CSGALNACT1: variants seen among roughly 807,000 people sequenced by gnomAD.
CSGALNACT1 encodes chondroitin sulfate N-acetylgalactosaminyltransferase 1.
CSGALNACT1 carries 52 observed loss-of-function variants against 51.0 expected under a neutral mutation model. The ratio of observed to expected loss-of-function variants is 1.02; its 90% CI spans 0.82 to 1.29. The LOEUF (loss-of-function observed/expected upper bound fraction) is 1.29. Among genes scored for constraint, CSGALNACT1 ranks in the 50% most tolerant of loss-of-function variants. CSGALNACT1 has a pLI of 0.00. For missense variants in CSGALNACT1, 935 were observed against 679.2 expected (o/e 1.38, Z -4.19); for synonymous variants, 341 against 254.4 (o/e 1.34, Z -3.24).
rs2052656203 is a variant in CSGALNACT1, at chr8:19,614,026, A to G, written c.-543-12161T>C. Among the ~76,000 whole-genome samples the G allele has an allele frequency of 2.0e-5, 3 of 152,212 alleles. No individual in the cohort carries two copies. In the South Asian group the frequency reaches 6.2e-4, roughly 31 times the overall value. On this transcript the variant is annotated intron_variant, in intron 1 of 9. Coordinates refer to the CSGALNACT1 transcript ENST00000332246. ...TCTGGAAAATGCCGTGTCAAAGTTA[A>G]CAAGTTTCATTGTTGTGGAAGATCC...
intron 4 of CSGALNACT1, among the ~76,000 whole-genome samples, chr8:19,487,536 G>A (rs1375726012): frequency 6.6e-6 from 1 of 152,138 alleles, no homozygotes; most frequent in East Asian, 1.9e-4. Flanking sequence ...ATAATGGACA[G>A]AAAGTCAATA....
intron 1 of CSGALNACT1, among the ~76,000 whole-genome samples, chr8:19,655,850 G>A (rs1404322009): frequency 6.6e-6 from 1 of 152,126 alleles, no homozygotes; most frequent in East Asian, 1.9e-4. Context: ...GCAGCTCTCA[G>A]TCTGGTAATA....
At chr8:19,632,732 C>G (rs952902640) in intron 1 of CSGALNACT1, among the ~76,000 whole-genome samples, 1 of 152,186 alleles carries the variant, frequency 6.6e-6, no homozygotes, top group Middle Eastern at 3.4e-3. Flanking sequence ...TCCTTTCAAC[C>G]TAAGCAGAGT....
intron 1 of CSGALNACT1, among the ~76,000 whole-genome samples, chr8:19,635,970 T>C (rs1299210008): frequency 6.6e-6 from 1 of 152,186 alleles, no homozygotes; most frequent in East Asian, 1.9e-4. Flanking sequence ...CCTCAGATGA[T>C]CCACCTGCCT....
At chr8:19,474,026 T>G (rs1026498381) in intron 4 of CSGALNACT1, among the ~76,000 whole-genome samples, 6 of 152,264 alleles carry the variant, frequency 3.9e-5, no homozygotes, top group Admixed American at 2.0e-4. Flanking sequence ...CATTCATTTA[T>G]CTCAAACTGG....
intron 6 of CSGALNACT1, among the ~76,000 whole-genome samples, chr8:19,432,511 T>A (rs1563362276): frequency 6.6e-6 from 1 of 152,212 alleles, no homozygotes; most frequent in Non-Finnish European, 1.5e-5. Context: ...TCTTCAAATA[T>A]TTTTAGGTGC....
intron 1 of CSGALNACT1, among the ~76,000 whole-genome samples, chr8:19,698,658 G>C (rs919165111): frequency 5.3e-5 from 8 of 152,074 alleles, no homozygotes; most frequent in African/African-American, 1.7e-4. Flanking sequence ...ATTTTTTTAA[G>C]ATCAGAAAAT....
chr8:19,493,090 C>T (rs1400941644), intron 4 of CSGALNACT1, among the ~76,000 whole-genome samples: 1 of 150,538 alleles, frequency 6.6e-6, no homozygotes, highest in African/African-American at 2.4e-5. Flanking sequence ...AATATGTTTG[C>T]AACAGATTCT....
intron 4 of CSGALNACT1, among the ~76,000 whole-genome samples, chr8:19,500,852 C>T (rs938326526): frequency 2.6e-5 from 4 of 152,168 alleles, no homozygotes; most frequent in Admixed American, 1.3e-4. Flanking sequence ...CTCACAATTA[C>T]GGAGGCCGGG....
At chr8:19,423,579 T>C (rs561058557) in intron 6 of CSGALNACT1, among the ~76,000 whole-genome samples, 1 of 152,176 alleles carries the variant, frequency 6.6e-6, no homozygotes, top group Non-Finnish European at 1.5e-5. Context: ...CTTCCTGTCA[T>C]AGTCATGGGA....
chr8:19,546,340 A>G (rs1430311928), intron 3 of CSGALNACT1, among the ~76,000 whole-genome samples: 1 of 152,170 alleles, frequency 6.6e-6, no homozygotes, highest in African/African-American at 2.4e-5. Context: ...TCCCTTCTCC[A>G]AAATGGCAAC....
intron 1 of CSGALNACT1, among the ~76,000 whole-genome samples, chr8:19,612,495 C>T (rs2052401022): frequency 6.6e-6 from 1 of 152,126 alleles, no homozygotes; most frequent in Admixed American, 6.5e-5. Flanking sequence ...CATCTGTTCA[C>T]AAGGATCACC....
chr8:19,569,290 T>A (rs1297480213), intron 3 of CSGALNACT1, among the ~76,000 whole-genome samples: 1 of 152,162 alleles, frequency 6.6e-6, no homozygotes, highest in African/African-American at 2.4e-5. Flanking sequence ...TAAGATAGGT[T>A]TGAGAGGCTA....
chr8:19,690,217 G>T (rs1225522871), intron 1 of CSGALNACT1, among the ~76,000 whole-genome samples: 1 of 152,150 alleles, frequency 6.6e-6, no homozygotes, highest in Admixed American at 6.5e-5. Flanking sequence ...CAAATCAATT[G>T]CTAAAGTAAC....
intron 4 of CSGALNACT1, among the ~76,000 whole-genome samples, chr8:19,493,173 C>T (rs1375932108): frequency 6.6e-6 from 1 of 152,172 alleles, no homozygotes. Context: ...ATTACTCTCT[C>T]CTGAACACAT....
intron 1 of CSGALNACT1, among the ~76,000 whole-genome samples, chr8:19,633,227 A>G (rs992203046): frequency 6.6e-6 from 1 of 152,114 alleles, no homozygotes; most frequent in African/African-American, 2.4e-5. Context: ...AATCTTTATC[A>G]TTGAGTCTCG....
chr8:19,604,255 A>G (rs1025553326), upstream of CSGALNACT1, among the ~76,000 whole-genome samples: 1 of 152,194 alleles, frequency 6.6e-6, no homozygotes, highest in Non-Finnish European at 1.5e-5. Flanking sequence ...ACCTGCAGGT[A>G]TACTACCAGC....
At chr8:19,693,104 T>C (rs1000494755) in intron 1 of CSGALNACT1, among the ~76,000 whole-genome samples, 1 of 152,178 alleles carries the variant, frequency 6.6e-6, no homozygotes, top group African/African-American at 2.4e-5. Flanking sequence ...CTTTGACTCA[T>C]TCCCTACCCT....
chr8:19,542,617 G>A (rs943319582), intron 3 of CSGALNACT1, among the ~76,000 whole-genome samples: 1 of 152,122 alleles, frequency 6.6e-6, no homozygotes. Context: ...GGAGTTTTAA[G>A]AATCTGTGTA....
Sources: gnomAD v4.1 joint callset for allele counts (sites outside exome capture counted in the v4.1 genomes callset) on GRCh38, gnomAD v4.1.1 for gene constraint, MANE v1.5 for transcripts, NCBI Gene and HGNC (gene_info 2026-07-23, HGNC 2026-07-21) for gene names.